RNF19A: variants seen among roughly 807,000 people sequenced by gnomAD.
RNF19A encodes the protein E3 ubiquitin-protein ligase RNF19A.
A neutral mutation model predicts 75.7 loss-of-function variants in RNF19A; 32 were observed. The ratio of observed to expected loss-of-function variants is 0.42; its 90% CI spans 0.32 to 0.57. The LOEUF is 0.57. Ranked by LOEUF, RNF19A falls within the 20% of genes least tolerant of loss-of-function variation. The pLI, the probability that RNF19A is intolerant of heterozygous loss-of-function variation, is 0.10. For missense variants in RNF19A, 782 were observed against 1,036.3 expected, an observed-to-expected ratio of 0.75 and a Z score of 3.37; for synonymous variants, 335 against 345.2, an observed-to-expected ratio of 0.97 and a Z score of 0.33.
In RNF19A at chr8:100,264,235, C is replaced by T. The variant is rs1819864247; in HGVS notation, c.1307-40G>A. On this transcript the variant is annotated intron_variant, in intron 6 of 9. Transcript: ENST00000341084. The surrounding 1 kb of genome is among the most constrained non-coding windows in gnomAD (Gnocchi z 4.7). ...AATCAGTCATTACAAACAACAACAA[C>T]AAAATAACTCACAGAAACATGAGTT... is the stretch of plus-strand genomic sequence containing the variant. 6.7e-7 allele frequency: 1 copy of T among 1,489,048 alleles called. No homozygotes were observed. Among genetic ancestry groups the T allele is most frequent in the Non-Finnish European group, 9.2e-7 (1 of 1,087,668 alleles). 92.2% of individuals were successfully genotyped at this position (1,489,048 alleles called of 1,614,324 possible). A position where few individuals can be genotyped will look rare whatever the true frequency, so the allele number is the denominator to read the frequency against.
chr8:100,271,518 G>T (rs1820254415), intron 3 of RNF19A, among the ~76,000 whole-genome samples: 1 of 152,102 alleles, frequency 6.6e-6, no homozygotes, highest in Non-Finnish European at 1.5e-5. Flanking sequence ...ACAAGACAGG[G>T]GAGTAAAAAG....
chr8:100,272,373 A>C (rs1820299289), intron 3 of RNF19A, among the ~76,000 whole-genome samples: 2 of 152,286 alleles, frequency 1.3e-5, no homozygotes, highest in African/African-American at 2.4e-5. Flanking sequence ...TGGGGAAAAA[A>C]AACAACTAAT....
chr8:100,297,722 G>C (rs1821635342), intron 1 of RNF19A, among the ~76,000 whole-genome samples: 1 of 152,204 alleles, frequency 6.6e-6, no homozygotes, highest in Admixed American at 6.5e-5. Context: ...CTTTGTGTGA[G>C]TGAGAAATAA....
At chr8:100,319,928 C>T (rs569219120) in intron 1 of RNF19A, among the ~76,000 whole-genome samples, 14 of 151,506 alleles carry the variant, frequency 9.2e-5, no homozygotes, top group South Asian at 4.2e-4. Flanking sequence ...CTCTGCCTCC[C>T]GGGTTCAAGC....
chr8:100,321,141 AT>A (rs1001677083), intron 1 of RNF19A, among the ~76,000 whole-genome samples: 1 of 152,192 alleles, frequency 6.6e-6, no homozygotes, highest in African/African-American at 2.4e-5. Flanking sequence ...TGCCACATCA[AT>A]TGACTCTTCC....
Position 100,324,887 on chromosome 8 carries a change from TTC to T in RNF19A, c.-243+11219_-243+11220del, listed in dbSNP as rs10649423. On this transcript the variant is annotated intron_variant, in intron 1 of 3. Coordinates refer to the RNF19A transcript ENST00000519527. The surrounding 1 kb of genome is among the most constrained non-coding windows in gnomAD (Gnocchi z 4.2). The stretch of plus-strand genomic sequence containing the variant: ...CTCTCTTTCTCTTTTTTTTCTTTCT[TTC>T]TCTCTCTCTCTTTCTCTCTTTCTTT... Among the ~76,000 whole-genome samples, 5 of 148,164 alleles carry T rather than the reference TTC, an allele frequency of 3.4e-5. No individual in the cohort carries two copies. The highest frequency in any genetic ancestry group is 1.3e-4 in the Admixed American group (2 of 14,930).
upstream of RNF19A, chr8:100,310,084 C>T: frequency 2.0e-6 from 2 of 985,590 alleles, no homozygotes; most frequent in South Asian, 4.7e-5. Flanking sequence ...TCCCGGGAAC[C>T]AGCGCCGCAA....
chr8:100,309,669 A>G, intron 1 of RNF19A, 198 bp downstream of exon 1: 1 of 928,500 alleles, frequency 1.1e-6, no homozygotes, highest in South Asian at 5.0e-5. Flanking sequence ...CCGAGGCCTG[A>G]CCCCCTAAGC....
upstream of RNF19A, chr8:100,310,317 C>G (rs925654551): frequency 7.0e-5 from 62 of 883,534 alleles, no homozygotes; most frequent in South Asian, 1.2e-3. Flanking sequence ...GTGGCCCCGA[C>G]TGCGGCCCCC....
upstream of RNF19A, among the ~76,000 whole-genome samples, chr8:100,314,825 A>C (rs562771175): frequency 6.6e-6 from 1 of 152,324 alleles, no homozygotes; most frequent in South Asian, 2.1e-4. The surrounding 1 kb of genome is among the most constrained non-coding windows in gnomAD (Gnocchi z 4.1). Flanking sequence ...CATTATTTGT[A>C]GGCCTTTCCC....
chr8:100,276,625 C>T (rs775937872), intron 2 of RNF19A, among the ~76,000 whole-genome samples: 1 of 149,672 alleles, frequency 6.7e-6, no homozygotes, highest in Non-Finnish European at 1.5e-5. Context: ...AGTGGTGGCA[C>T]ACACCTTTAA....
intron 3 of RNF19A, among the ~76,000 whole-genome samples, chr8:100,273,733 A>G (rs1441762220): frequency 6.6e-6 from 1 of 152,156 alleles, no homozygotes. Context: ...GCCAGGAACT[A>G]TTTCAACTAT....
intron 3 of RNF19A, among the ~76,000 whole-genome samples, chr8:100,273,259 C>A (rs1057019567): frequency 5.9e-5 from 9 of 152,040 alleles, no homozygotes; most frequent in African/African-American, 2.2e-4. Flanking sequence ...TGTTATTGTT[C>A]GGCTAAAAGC....
At position 100,275,236 on chromosome 8, in the gene RNF19A, A is replaced by C. The variant is rs958558209; in HGVS notation, c.675-75T>G. On this transcript the variant is annotated intron_variant, in intron 2 of 9. Transcript: ENST00000341084. This position sits in a 1 kb window ranked among gnomAD's most constrained non-coding sequence, Gnocchi z 4.3. ...ACTCATTTCAAAAAGTATCCAACTA[A>C]AGATTATTCCTGAAAAACATTTTCT... 2 of 1,288,360 alleles carry C rather than the reference A, an allele frequency of 1.6e-6. No homozygotes were observed. The highest frequency in any genetic ancestry group is 1.5e-5 in the African/African-American group (1 of 68,176). 79.8% of individuals were successfully genotyped at this position (1,288,360 alleles called of 1,614,324 possible). A position where few individuals can be genotyped will look rare whatever the true frequency, so the allele number is the denominator to read the frequency against.
intron 1 of RNF19A, chr8:100,309,251 T>G: frequency 2.3e-6 from 2 of 883,150 alleles, no homozygotes; most frequent in Non-Finnish European, 2.7e-6. Flanking sequence ...TTTGGTGTGA[T>G]GTGTAATTTT....
intron 1 of RNF19A, among the ~76,000 whole-genome samples, chr8:100,316,855 C>G (rs1012777109): frequency 1.3e-5 from 2 of 152,206 alleles, no homozygotes; most frequent in African/African-American, 4.8e-5. Context: ...TCAGGCCGCA[C>G]AGCAACTCAT....
chr8:100,258,591 T>C lies in RNF19A; in HGVS notation c.2482A>G (p.Met828Val). 5 of 1,612,604 alleles carry C rather than the reference T, an allele frequency of 3.1e-6. No homozygotes were observed. The highest frequency in any genetic ancestry group is 4.2e-6 in the Non-Finnish European group (5 of 1,179,414). The part of the protein sequence containing the change: ...ETNNNHSHQT[M>V]ELKVAIQTEI ...GTCTGAATTGCAACTTTTAATTCCA[T>C]TGTCTGATGTGAGTGGTTGTTATTT... The change falls in exon 10 of 10, where the codon ATG (methionine) becomes GTG (valine). Residue 828 changes from methionine to valine, a missense_variant. Transcript: ENST00000341084. This position sits in a 1 kb window ranked among gnomAD's most constrained non-coding sequence, Gnocchi z 4.3.
chr8:100,290,094 T>G (rs1408235465), intron 1 of RNF19A, among the ~76,000 whole-genome samples: 1 of 152,174 alleles, frequency 6.6e-6, no homozygotes, highest in Non-Finnish European at 1.5e-5. Context: ...GTGGCTACAT[T>G]TTGTGGTGAG....
Position 100,287,821 on chromosome 8 carries a change from T to TA in RNF19A, c.353_354insT (p.Leu119IlefsTer23), listed in dbSNP as rs772172188. 6.2e-7 allele frequency: 1 copy of TA among 1,614,176 alleles called. No homozygotes were observed. Among genetic ancestry groups the TA allele is most frequent in the Non-Finnish European group, 8.5e-7 (1 of 1,180,014 alleles). ...CAATTTGTTTGCTGATGGAAGTTAA[T>TA]CCATTGTCAGAAGAGGTATTTGTAG... On this transcript the variant is annotated frameshift_variant, in exon 2 of 10. Transcript: ENST00000341084. LOFTEE classifies it high-confidence loss of function. This position sits in a 1 kb window ranked among gnomAD's most constrained non-coding sequence, Gnocchi z 4.1.
Sources: gnomAD v4.1 joint callset for allele counts (sites outside exome capture counted in the v4.1 genomes callset) on GRCh38, gnomAD v4.1.1 for gene constraint, Gnocchi (gnomAD v3.1) non-coding constraint, MANE v1.5 for transcripts, NCBI Gene and HGNC (gene_info 2026-07-23, HGNC 2026-07-21) for gene names.